The following GRK5 variants were observed in gnomAD, a reference collection of about 807,000 sequenced individuals.
GRK5 encodes g protein-coupled receptor kinase GRK5.
A neutral mutation model predicts 78.4 loss-of-function variants in GRK5; 40 were observed. The observed-to-expected ratio is 0.51, with a 90% confidence interval of 0.40 to 0.66. GRK5 has a LOEUF of 0.66. Among genes scored for constraint, GRK5 ranks in the 30% least tolerant of loss-of-function variants. The probability of loss-of-function intolerance (pLI) is 0.00; values close to 1 mark genes in which losing one functional copy is unlikely to be tolerated. For synonymous variants in GRK5, 289 were observed against 296.8 expected (o/e 0.97, Z 0.27); for missense variants, 598 against 759.9 (o/e 0.79, Z 2.50).
chr10:119,238,943 G>A lies in GRK5; in HGVS notation c.52+30974G>A, dbSNP rs77209922. On this transcript the variant is annotated intron_variant, in intron 1 of 15. Coordinates refer to ENST00000392870, the MANE Select transcript of GRK5 (RefSeq NM_005308.3). The surrounding 1 kb of genome is among the most constrained non-coding windows in gnomAD (Gnocchi z 4.7). ...AAAACTTTGTTTTGGAAAAGGGGGT[G>A]TTGAAGCCAAGGCATTAGAGAAACG... is the stretch of plus-strand genomic sequence containing the variant. Among the ~76,000 whole-genome samples the A allele has an allele frequency of 0.024, 3,582 of 152,192 alleles. 166 individuals carry two copies. The highest frequency in any genetic ancestry group is 0.082 in the African/African-American group (3,404 of 41,514).
intron 1 of GRK5, chr10:119,211,586 T>C (rs565558305): frequency 6.6e-6 from 1 of 152,352 alleles, no homozygotes; most frequent in East Asian, 1.9e-4. Flanking sequence ...TCAAAAAAGA[T>C]ACCTGAAGGA....
In GRK5 at chr10:119,380,876, T is replaced by C. The variant is rs776198263; in HGVS notation, c.210T>C (p.Phe70=). ...QPIGRLLFRQ[F]CETRPGLECY... is the part of the protein sequence containing the mutation. ...TCGGGAGGCTGCTTTTCCGGCAGTT[T>C]TGTGAAACCAGGCCTGGGCTGGAGT... The change falls in exon 3 of 16, where the codon TTT becomes TTC. Residue 70 remains phenylalanine (F), a synonymous_variant. Transcript: ENST00000392870. 3.7e-6 allele frequency: 6 copies of C among 1,613,700 alleles called. No individual in the cohort carries two copies. The highest frequency in any genetic ancestry group is 5.1e-6 in the Non-Finnish European group (6 of 1,179,588).
intron 9 of GRK5, among the ~76,000 whole-genome samples, chr10:119,438,384 G>A (rs577014108): frequency 2.0e-5 from 3 of 152,244 alleles, no homozygotes; most frequent in East Asian, 1.9e-4. Flanking sequence ...GGCAGACCCC[G>A]ACACGCAGCC....
At chr10:119,338,472 A>G (rs2133780525) in intron 2 of GRK5, among the ~76,000 whole-genome samples, 1 of 152,352 alleles carries the variant, frequency 6.6e-6, no homozygotes, top group Non-Finnish European at 1.5e-5. Context: ...CCATACATAT[A>G]CATGTGGTTT....
intron 12 of GRK5, 126 bp downstream of exon 12, chr10:119,443,878 T>C: frequency 2.5e-6 from 2 of 789,138 alleles, no homozygotes; most frequent in South Asian, 3.6e-5. Context: ...GGGTGGGGGT[T>C]GCAGCCCACC....
chr10:119,297,958 G>A (rs1850111733), intron 1 of GRK5, among the ~76,000 whole-genome samples: 1 of 152,170 alleles, frequency 6.6e-6, no homozygotes. Flanking sequence ...GTCTTTGCTT[G>A]AAATTCATTT....
chr10:119,299,974 C>T (rs528885782), intron 1 of GRK5, among the ~76,000 whole-genome samples: 34 of 152,240 alleles, frequency 2.2e-4, no homozygotes, highest in East Asian at 9.6e-4. Context: ...CCCCACCCCA[C>T]GACAGGCCCC....
At chr10:119,324,276 G>A (rs1464703255) in intron 1 of GRK5, among the ~76,000 whole-genome samples, 14 of 152,230 alleles carry the variant, frequency 9.2e-5, no homozygotes, top group Admixed American at 9.2e-4. Context: ...GGGGCCACAG[G>A]TGACTTGCTA....
At chr10:119,303,530 T>C (rs1342397915) in intron 1 of GRK5, among the ~76,000 whole-genome samples, 1 of 151,640 alleles carries the variant, frequency 6.6e-6, no homozygotes, top group Admixed American at 6.6e-5. Flanking sequence ...TGGAGTGGAG[T>C]GTGGGCCTGG....
chr10:119,353,155 T>A (rs1315936841), intron 2 of GRK5, among the ~76,000 whole-genome samples: 1 of 152,184 alleles, frequency 6.6e-6, no homozygotes, highest in Non-Finnish European at 1.5e-5. Flanking sequence ...CATGTGGGTA[T>A]GAAATGCCCT....
At chr10:119,322,275 C>T (rs1165327076) in intron 1 of GRK5, among the ~76,000 whole-genome samples, 2 of 152,178 alleles carry the variant, frequency 1.3e-5, no homozygotes, top group Non-Finnish European at 2.9e-5. Context: ...ATTTTAGAGC[C>T]AACCATGCTT....
rs530313577 is a variant in GRK5 at position 119,295,592 on chromosome 10, T to G, written c.53-30924T>G. 2.6e-5 allele frequency among the ~76,000 whole-genome samples: 4 copies of G among 152,006 alleles called. No homozygotes were observed. The East Asian group carries it at 7.7e-4, about 29-fold the overall frequency. On this transcript the variant is annotated intron_variant, in intron 1 of 15. Transcript: ENST00000392870. ...CAATGAGTAGATAAAGAAACTGAGATATATATATATATGATGGAATACTAC... is the reference window on the plus strand; with the variant it reads ...CAATGAGTAGATAAAGAAACTGAGAGATATATATATATGATGGAATACTAC...
At chr10:119,309,164 C>T (rs906911984) in intron 1 of GRK5, among the ~76,000 whole-genome samples, 1 of 152,218 alleles carries the variant, frequency 6.6e-6, no homozygotes, top group African/African-American at 2.4e-5. Flanking sequence ...TCACCTCCTT[C>T]AGGAAGCCTT....
intron 4 of GRK5, among the ~76,000 whole-genome samples, chr10:119,421,421 T>A (rs1451659263): frequency 2.0e-5 from 3 of 152,206 alleles, no homozygotes; most frequent in African/African-American, 7.2e-5. Flanking sequence ...CCTTCCTGTT[T>A]CAGAGGGTGA....
At chr10:119,240,060 T>C (rs1214143060) in intron 1 of GRK5, among the ~76,000 whole-genome samples, 2 of 152,150 alleles carry the variant, frequency 1.3e-5, no homozygotes, top group African/African-American at 4.8e-5. Flanking sequence ...GGTCAAATGG[T>C]ATTTCTGGCT....
Position 119,276,490 on chromosome 10 carries a change from C to T in GRK5, c.53-50026C>T, listed in dbSNP as rs1393697244. 6.6e-5 allele frequency among the ~76,000 whole-genome samples: 10 copies of T among 152,072 alleles called. 1 individual carries two copies. Among genetic ancestry groups the T allele is most frequent in the Non-Finnish European group, 1.5e-5 (1 of 68,020 alleles). On this transcript the variant is annotated intron_variant, in intron 1 of 15. Transcript: ENST00000392870. ...GTATATGTGCCACATTTTCTTAATCCAGTCTATCATTGTTGGACATTTGGG... is the reference window on the plus strand; with the variant it reads ...GTATATGTGCCACATTTTCTTAATCTAGTCTATCATTGTTGGACATTTGGG...
In GRK5 at chr10:119,379,533, G is replaced by A. The variant is rs1248077; in HGVS notation, c.149-1282G>A. ...AGAAATCCTTTCTAGGGGGGATGGT[G>A]TCTTAGCTCCTCTACACCAGGTAGA... On this transcript the variant is annotated intron_variant, in intron 2 of 15. Transcript: ENST00000392870. This position sits in a 1 kb window ranked among gnomAD's most constrained non-coding sequence, Gnocchi z 4.1. Among the ~76,000 whole-genome samples the A allele has an allele frequency of 0.89, 136,110 of 152,168 alleles. 61,199 individuals are homozygous for A. The highest frequency in any genetic ancestry group is 0.95 in the Non-Finnish European group (64,564 of 68,006).
At chr10:119,226,444 A>G (rs1848743072) in intron 1 of GRK5, among the ~76,000 whole-genome samples, 1 of 146,056 alleles carries the variant, frequency 6.8e-6, no homozygotes, top group Non-Finnish European at 1.5e-5. Context: ...TAATTTTTCT[A>G]CAGTTGGAAG....
chr10:119,407,742 G>A (rs1852263610), intron 4 of GRK5, among the ~76,000 whole-genome samples: 2 of 152,322 alleles, frequency 1.3e-5, no homozygotes, highest in South Asian at 4.1e-4. Context: ...AAAACAGGGA[G>A]GCTGGGCATG....
Sources: gnomAD v4.1 joint callset for allele counts (sites outside exome capture counted in the v4.1 genomes callset) on GRCh38, gnomAD v4.1.1 for gene constraint, Gnocchi (gnomAD v3.1) non-coding constraint, MANE v1.5 for transcripts, NCBI Gene and HGNC (gene_info 2026-07-23, HGNC 2026-07-21) for gene names.